The following HEPHL1 variants were observed in gnomAD, a reference collection of about 807,000 sequenced individuals.
The protein encoded by HEPHL1 is hephaestin like 1, also known as ferroxidase HEPHL1.
Under a neutral mutation model 122.0 loss-of-function variants are expected in HEPHL1, and 123 were observed. The ratio of observed to expected loss-of-function variants is 1.01; its 90% CI spans 0.87 to 1.17. The LOEUF is 1.17. HEPHL1 is among the 50% of genes most tolerant of loss of function. The pLI is 0.00. For missense variants in HEPHL1, 1,452 were observed against 1,430.5 expected (o/e 1.01, Z -0.24); for synonymous variants, 527 against 508.9 (o/e 1.04, Z -0.48).
At chr11:94,046,166 C>T (rs1039706460) in intron 2 of HEPHL1, among the ~76,000 whole-genome samples, 4 of 122,392 alleles carry the variant, frequency 3.3e-5, no homozygotes, top group Admixed American at 1.1e-4. Flanking sequence ...ATGATATCAG[C>T]TCACTGCAAC....
intron 1 of HEPHL1, among the ~76,000 whole-genome samples, chr11:94,044,577 C>G (rs1945816452): frequency 6.6e-6 from 1 of 152,104 alleles, no homozygotes; most frequent in South Asian, 2.1e-4. Context: ...CTCCTCACTT[C>G]CTAGACCTGT....
Position 94,086,019 on chromosome 11 carries a change from T to C in HEPHL1, c.1910T>C (p.Met637Thr). ...YMYGNQPGLN[M>T]CKRDRVSWHL... ...TATGGCAACCAGCCAGGCTTAAACA[T>C]GTGTAAAAGGGATAGAGTTTCCTGG... The change falls in exon 11 of 20, where the codon ATG becomes ACG. Residue 637 changes from methionine (M) to threonine (T), a missense_variant. Physicochemically the swap from Met to Thr is moderately conservative, Grantham distance 81. Coordinates refer to ENST00000315765, the MANE Select transcript of HEPHL1 (RefSeq NM_001098672.2). 1 of 1,613,954 alleles carries C rather than the reference T, an allele frequency of 6.2e-7. No individual in the cohort carries two copies. Among genetic ancestry groups the C allele is most frequent in the South Asian group, 1.1e-5 (1 of 91,068 alleles).
At chr11:94,054,038 G>C (rs1256001673) in intron 2 of HEPHL1, among the ~76,000 whole-genome samples, 1 of 152,166 alleles carries the variant, frequency 6.6e-6, no homozygotes, top group East Asian at 1.9e-4. Context: ...ATCAGTTATT[G>C]AGAGTTGAGT....
Position 94,088,955 on chromosome 11 carries a change from G to T in HEPHL1, c.2281G>T (p.Ala761Ser). The stretch of plus-strand genomic sequence containing the variant: ...GGAGTTCGAAAAGCAGCACGTGGAC[G>T]CAAGAGGGGAAAGGTACCACAGGCG... ...NWEFEKQHVD[A>S]RGERHGDIFM... is the part of the protein sequence containing the mutation. The change falls in exon 12 of 20, where the codon GCA (alanine) becomes TCA (serine). Residue 761 changes from alanine (A) to serine (S), a missense_variant. Physicochemically the swap from Ala to Ser is moderately conservative, Grantham distance 99. Coordinates refer to ENST00000315765, the MANE Select transcript of HEPHL1 (RefSeq NM_001098672.2). 4 of 1,613,958 alleles carry T rather than the reference G, an allele frequency of 2.5e-6. No individual in the cohort carries two copies. The highest frequency in any genetic ancestry group is 2.5e-6 in the Non-Finnish European group (3 of 1,179,838).
chr11:94,028,338 C>T (rs1053341120), intron 1 of HEPHL1, among the ~76,000 whole-genome samples: 1 of 152,138 alleles, frequency 6.6e-6, no homozygotes, highest in Admixed American at 6.5e-5. Context: ...AGAAAACATC[C>T]CTCTAAAAGA....
intron 1 of HEPHL1, among the ~76,000 whole-genome samples, chr11:94,044,165 G>A (rs1945812716): frequency 6.6e-6 from 1 of 151,994 alleles, no homozygotes; most frequent in Non-Finnish European, 1.5e-5. Flanking sequence ...ACCTCTCCAG[G>A]AGAAGATTGT....
At chr11:94,046,430 A>C (rs1200686251) in intron 2 of HEPHL1, among the ~76,000 whole-genome samples, 2 of 145,532 alleles carry the variant, frequency 1.4e-5, no homozygotes, top group East Asian at 2.0e-4. Flanking sequence ...CTTATTTCCT[A>C]CCTCTCCTCT....
chr11:94,038,140 T>A (rs1281965680), intron 1 of HEPHL1, among the ~76,000 whole-genome samples: 5 of 149,982 alleles, frequency 3.3e-5, no homozygotes, highest in Non-Finnish European at 7.4e-5. Context: ...ATGAAATGAA[T>A]GAAATGAAGT....
At chr11:94,079,197 T>G (rs190810342) in intron 9 of HEPHL1, among the ~76,000 whole-genome samples, 1 of 152,272 alleles carries the variant, frequency 6.6e-6, no homozygotes, top group East Asian at 1.9e-4. Flanking sequence ...AAACATGATG[T>G]GGGGACTCCT....
chr11:94,041,235 A>C, intron 1 of HEPHL1, among the ~76,000 whole-genome samples: 1 of 150,858 alleles, frequency 6.6e-6, no homozygotes. Flanking sequence ...GATACAAACA[A>C]ATGGAAGAAC....
At position 94,088,840 on chromosome 11, in the gene HEPHL1, G is replaced by T. The variant is rs368779967; in HGVS notation, c.2166G>T (p.Arg722Ser). 10 of 1,613,828 alleles carry T rather than the reference G, an allele frequency of 6.2e-6. No individual in the cohort carries two copies. In the African/African-American group the frequency reaches 1.3e-4, roughly 22 times the overall value. ...QIYEVSSCDNRDPSEQRYGMI... is the reference protein window; with the variant it reads ...QIYEVSSCDNSDPSEQRYGMI... ...ATGAGGTCAGCAGCTGTGACAACAG[G>T]GACCCTTCTGAGCAGCGGTACGGGA... Residue 722 changes from arginine to serine, a missense_variant, in exon 12 of 20, where the codon AGG becomes AGT. Arg to Ser is a moderately radical substitution (Grantham distance 110, BLOSUM62 -1). Transcript: ENST00000315765.
rs547553737 is a variant in HEPHL1, at chr11:94,031,546, G to A, written c.170+10008G>A. On this transcript the variant is annotated intron_variant, in intron 1 of 19. Transcript: ENST00000315765. The stretch of plus-strand genomic sequence containing the variant: ...TTGAAGAACATTTTGGTCTTTCCAG[G>A]CTTTTGCTATCAAAATCATTCTCTA... Among the ~76,000 whole-genome samples the A allele has an allele frequency of 8.5e-5, 13 of 152,224 alleles. No homozygotes were observed. In the South Asian group the frequency reaches 2.5e-3, roughly 29 times the overall value.
intron 17 of HEPHL1, among the ~76,000 whole-genome samples, chr11:94,109,194 T>C (rs1160216356): frequency 6.6e-6 from 1 of 152,186 alleles, no homozygotes; most frequent in Non-Finnish European, 1.5e-5. Flanking sequence ...ATAATTGATA[T>C]TTGCATGTTG....
chr11:94,093,719 G>A, intron 13 of HEPHL1, 79 bp downstream of exon 13: 1 of 1,488,202 alleles, frequency 6.7e-7, no homozygotes. Context: ...TGTTACACTT[G>A]TGGCTAAGAA....
chr11:94,093,614 C>T lies in HEPHL1; in HGVS notation c.2408C>T (p.Pro803Leu). 1 of 1,613,622 alleles carries T rather than the reference C, an allele frequency of 6.2e-7. No individual in the cohort carries two copies. The highest frequency in any genetic ancestry group is 8.5e-7 in the Non-Finnish European group (1 of 1,179,804). ...GEFVEIKARP[P>L]REEHLELLGP... ...TTTGTGGAGATCAAAGCCCGACCAC[C>T]ACGAGAGGAGCACTTAGAACTCCTG... Residue 803 changes from proline (P) to leucine (L), a missense_variant, in exon 13 of 20, where the codon CCA (proline) becomes CTA (leucine). By Grantham distance (98) the Pro-to-Leu change is moderately conservative. Transcript: ENST00000315765.
At chr11:94,031,119 A>G (rs1435756394) in intron 1 of HEPHL1, among the ~76,000 whole-genome samples, 1 of 151,942 alleles carries the variant, frequency 6.6e-6, no homozygotes, top group East Asian at 1.9e-4. Context: ...TTTTTTTTTC[A>G]ATAAAACGTG....
chr11:94,050,841 T>G (rs1945884163), intron 2 of HEPHL1, among the ~76,000 whole-genome samples: 1 of 152,150 alleles, frequency 6.6e-6, no homozygotes, highest in Non-Finnish European at 1.5e-5. Context: ...TGGCTTCTGG[T>G]ATCCATCCTT....
chr11:94,067,447 A>G, intron 4 of HEPHL1, 49 bp from the exon 5 acceptor site: 1 of 1,589,166 alleles, frequency 6.3e-7, no homozygotes, highest in Middle Eastern at 1.7e-4. Context: ...TTCTGGTCCC[A>G]GTCGCCTCTG....
At chr11:94,107,376 C>G (rs1044267842) in intron 17 of HEPHL1, among the ~76,000 whole-genome samples, 1 of 151,884 alleles carries the variant, frequency 6.6e-6, no homozygotes, top group Admixed American at 6.6e-5. Context: ...ATTTAATACA[C>G]AAAATTATAA....
Sources: gnomAD v4.1 joint callset for allele counts (sites outside exome capture counted in the v4.1 genomes callset) on GRCh38, gnomAD v4.1.1 for gene constraint, MANE v1.5 for transcripts, NCBI Gene and HGNC (gene_info 2026-07-23, HGNC 2026-07-21) for gene names.